The following QRSL1 variants were observed in gnomAD, a reference collection of about 807,000 sequenced individuals.
QRSL1 encodes glutamyl-tRNA(Gln) amidotransferase subunit A, mitochondrial.
QRSL1 carries 54 observed loss-of-function variants against 61.6 expected under a neutral mutation model. That is an observed-to-expected ratio of 0.88 (90% confidence interval 0.70 to 1.10). QRSL1 has a LOEUF of 1.10. Among genes scored for constraint, QRSL1 ranks in the 50% least tolerant of loss-of-function variants. The pLI is 0.00. For synonymous variants in QRSL1, 228 were observed against 225.7 expected, an observed-to-expected ratio of 1.01 and a Z score of -0.09; for missense variants, 505 against 622.6, an observed-to-expected ratio of 0.81 and a Z score of 2.01.
chr6:106,636,685 A>G (rs1258491310), intron 1 of QRSL1, among the ~76,000 whole-genome samples: 2 of 152,194 alleles, frequency 1.3e-5, no homozygotes, highest in Non-Finnish European at 2.9e-5. Flanking sequence ...GTAAATGGAG[A>G]TAATAATAGC....
chr6:106,638,784 A>G (rs139587005), intron 1 of QRSL1, among the ~76,000 whole-genome samples: 1 of 152,194 alleles, frequency 6.6e-6, no homozygotes, highest in East Asian at 1.9e-4. Flanking sequence ...ACCTCTTCCC[A>G]CTGCTTGTTG....
At chr6:106,661,779 C>T (rs1777360544) in intron 9 of QRSL1, among the ~76,000 whole-genome samples, 2 of 140,530 alleles carry the variant, frequency 1.4e-5, no homozygotes, top group Admixed American at 1.5e-4. Context: ...TGGAGCGATC[C>T]CAGCTCACTA....
At chr6:106,655,036 T>C in intron 8 of QRSL1, 114 bp downstream of exon 8, 1 of 963,844 alleles carries the variant, frequency 1.0e-6, no homozygotes, top group Non-Finnish European at 1.6e-6. Flanking sequence ...TTCAGAAAAG[T>C]TCATCAGTGA....
chr6:106,666,033 G>T lies in QRSL1; in HGVS notation c.*31G>T, dbSNP rs981798379. 1.3e-6 allele frequency: 2 copies of T among 1,586,982 alleles called. No individual in the cohort carries two copies. The highest frequency in any genetic ancestry group is 1.7e-6 in the Non-Finnish European group (2 of 1,158,070). On this transcript the variant is annotated 3_prime_UTR_variant, in exon 11 of 11. Transcript: ENST00000369046. ...TCTTACAAATTAAAATGACTTTTAG[G>T]CTGGGTGCAGTGGCTCACACCTGTA...
intron 4 of QRSL1, among the ~76,000 whole-genome samples, chr6:106,647,082 C>T (rs1777119823): frequency 7.1e-6 from 1 of 141,680 alleles, no homozygotes. Flanking sequence ...AAATTAAGAA[C>T]TTCTGTACTT....
intron 9 of QRSL1, 152 bp downstream of exon 9, chr6:106,655,884 G>A (rs1184570469): frequency 9.1e-6 from 5 of 546,506 alleles, no homozygotes; most frequent in Non-Finnish European, 1.7e-5. Flanking sequence ...TTGGGTCCTG[G>A]TATTCAAAAA....
chr6:106,648,742 G>A (rs1448883447), intron 4 of QRSL1, among the ~76,000 whole-genome samples: 1 of 152,162 alleles, frequency 6.6e-6, no homozygotes, highest in Non-Finnish European at 1.5e-5. Flanking sequence ...TGATTCACAA[G>A]GGAAATCATC....
In QRSL1 at chr6:106,667,301, T is replaced by C. The variant is rs777045860; in HGVS notation, c.*1299T>C. 1 of 152,166 alleles carries C rather than the reference T, an allele frequency of 6.6e-6. No homozygotes were observed. Among genetic ancestry groups the C allele is most frequent in the African/African-American group, 2.4e-5 (1 of 41,428 alleles). 9.4% of individuals were successfully genotyped at this position (152,166 alleles called of 1,614,324 possible). ...TTTTCCTCTTGACTGTCTTTACGAGTGTTTTTTATTTGGGACCCTCGAGCC... is the reference window on the plus strand; with the variant it reads ...TTTTCCTCTTGACTGTCTTTACGAGCGTTTTTTATTTGGGACCCTCGAGCC... On this transcript the variant is annotated 3_prime_UTR_variant, in exon 11 of 11. Transcript: ENST00000369046.
chr6:106,640,267 C>A, intron 1 of QRSL1, 82 bp from the exon 2 acceptor site: 1 of 1,282,212 alleles, frequency 7.8e-7, no homozygotes, highest in South Asian at 1.3e-5. Context: ...CTTAGCCACT[C>A]CATCTCCCCC....
intron 9 of QRSL1, among the ~76,000 whole-genome samples, chr6:106,656,999 G>C (rs1280615362): frequency 1.3e-5 from 2 of 152,230 alleles, no homozygotes; most frequent in Non-Finnish European, 1.5e-5. Context: ...GCCGGGCCCA[G>C]TGGCTCATGC....
Position 106,649,024 on chromosome 6 carries a change from G to A in QRSL1, c.381-1G>A. 1 of 1,607,352 alleles carries A rather than the reference G, an allele frequency of 6.2e-7. No homozygotes were observed. Among genetic ancestry groups the A allele is most frequent in the Non-Finnish European group, 8.5e-7 (1 of 1,175,914 alleles). ...GGTATCTTGCTTCACTTCGTCATCA[G>A]ATCTGGGAGCACAGATGGTGTATTT... On this transcript the variant is annotated splice_acceptor_variant, in intron 4 of 10. Coordinates refer to ENST00000369046, the MANE Select transcript of QRSL1 (RefSeq NM_018292.5). LOFTEE classifies it high-confidence loss of function.
chr6:106,629,670 G>A lies in QRSL1; in HGVS notation c.-12G>A. The A allele has an allele frequency of 6.2e-7, 1 of 1,604,294 alleles. No individual in the cohort carries two copies. On this transcript the variant is annotated 5_prime_UTR_variant, in exon 1 of 11. Coordinates refer to ENST00000369046, the MANE Select transcript of QRSL1 (RefSeq NM_018292.5). ...GCCTGGCTCCTGTGGTGGCAGGCTG[G>A]GCACGAGGACCATGCTGGGCCGGAG...
intron 1 of QRSL1, among the ~76,000 whole-genome samples, chr6:106,630,530 G>A (rs1187856456): frequency 6.6e-6 from 1 of 151,962 alleles, no homozygotes; most frequent in African/African-American, 2.4e-5. Context: ...GCTTTAATTC[G>A]GGTCTTTTTG....
chr6:106,656,554 A>G (rs773660573), intron 9 of QRSL1, among the ~76,000 whole-genome samples: 5 of 152,240 alleles, frequency 3.3e-5, no homozygotes, highest in Non-Finnish European at 5.9e-5. Flanking sequence ...GTGAAAAAGC[A>G]AGATTGGTTA....
chr6:106,662,940 C>CA (rs770329963), intron 9 of QRSL1, 40 bp from the exon 10 acceptor site: 8 of 1,483,320 alleles, frequency 5.4e-6, no homozygotes, highest in South Asian at 1.1e-5. Flanking sequence ...AAGAAAAATA[C>CA]AAAAAATCCT....
intron 4 of QRSL1, among the ~76,000 whole-genome samples, chr6:106,645,219 A>G (rs1033090547): frequency 1.3e-5 from 2 of 152,160 alleles, no homozygotes; most frequent in Admixed American, 6.6e-5. Context: ...ATATTCTGAT[A>G]TGTTTTAGAA....
chr6:106,662,422 A>G (rs1404118314), intron 9 of QRSL1, among the ~76,000 whole-genome samples: 1 of 152,132 alleles, frequency 6.6e-6, no homozygotes, highest in East Asian at 1.9e-4. Context: ...ACACAGTGGA[A>G]GAGAATTCAT....
intron 1 of QRSL1, among the ~76,000 whole-genome samples, chr6:106,638,796 A>G (rs541089814): frequency 6.6e-6 from 1 of 152,186 alleles, no homozygotes; most frequent in Admixed American, 6.5e-5. Flanking sequence ...TGCTTGTTGC[A>G]TTTAAAACCC....
In QRSL1 at chr6:106,629,722, C is replaced by G; in HGVS notation, c.24+17C>G. On this transcript the variant is annotated intron_variant, in intron 1 of 10. Transcript: ENST00000369046. ...CTCCGAGAAGTGAGTGGAATTGGCCCGCTGAGGCCCCCGGGAGGGCGGAAA... is the reference window on the plus strand; with the variant it reads ...CTCCGAGAAGTGAGTGGAATTGGCCGGCTGAGGCCCCCGGGAGGGCGGAAA... The G allele has an allele frequency of 6.2e-7, 1 of 1,601,434 alleles. No individual in the cohort carries two copies. Among genetic ancestry groups the G allele is most frequent in the South Asian group, 1.1e-5 (1 of 88,390 alleles).
Sources: allele counts gnomAD v4.1 joint callset (sites outside exome capture counted in the v4.1 genomes callset), GRCh38; gene constraint gnomAD v4.1.1; transcripts MANE v1.5; gene names NCBI Gene and HGNC (gene_info 2026-07-23, HGNC 2026-07-21).